The following KAZN variants were observed in gnomAD, a reference collection of about 807,000 sequenced individuals.
KAZN encodes the protein kazrin.
In KAZN, 40 loss-of-function variants were observed where a neutral mutation model predicts 87.4. That is an observed-to-expected ratio of 0.46 (90% CI 0.36 to 0.60). The LOEUF (loss-of-function observed/expected upper bound fraction) is 0.60. Among genes scored for constraint, KAZN ranks in the 20% least tolerant of loss-of-function variants. The pLI is 0.00. For missense variants in KAZN, 898 were observed against 1,073.9 expected (o/e 0.84, Z 2.29); for synonymous variants, 466 against 458.3 (o/e 1.02, Z -0.22).
intron 1 of KAZN, among the ~76,000 whole-genome samples, chr1:14,660,698 C>T (rs550999667): frequency 6.6e-6 from 1 of 152,128 alleles, no homozygotes; most frequent in South Asian, 2.1e-4. Flanking sequence ...TAACTGCAAA[C>T]GACTCAGATC....
chr1:15,004,109 A>G (rs779893120), intron 2 of KAZN, among the ~76,000 whole-genome samples: 10 of 152,330 alleles, frequency 6.6e-5, no homozygotes, highest in Admixed American at 2.6e-4. Context: ...AGCCTCGTGC[A>G]CTATCAGGGT....
Position 15,051,827 on chromosome 1 carries a change from T to C in KAZN, c.727-4264T>C, listed in dbSNP as rs148962592. 2.0e-5 allele frequency among the ~76,000 whole-genome samples: 3 copies of C among 152,358 alleles called. No individual in the cohort carries two copies. In the East Asian group the frequency reaches 5.8e-4, roughly 29 times the overall value. ...TCCCTCTTGTTTTCACCATCTTATATTGTGGGACCTTGAAGTTCAGAATGG... is the reference window on the plus strand; with the variant it reads ...TCCCTCTTGTTTTCACCATCTTATACTGTGGGACCTTGAAGTTCAGAATGG... On this transcript the variant is annotated intron_variant, in intron 4 of 14. Coordinates refer to ENST00000376030, the MANE Select transcript of KAZN (RefSeq NM_201628.3).
chr1:14,116,842 C>T (rs996038311), intron 1 of KAZN, among the ~76,000 whole-genome samples: 1 of 152,204 alleles, frequency 6.6e-6, no homozygotes, highest in Non-Finnish European at 1.5e-5. Flanking sequence ...AAGAACCTAC[C>T]TCTTTCATCA....
intron 2 of KAZN, among the ~76,000 whole-genome samples, chr1:14,572,901 C>T (rs1674957358): frequency 1.3e-5 from 2 of 152,126 alleles, no homozygotes; most frequent in Non-Finnish European, 2.9e-5. Flanking sequence ...TTACTATATA[C>T]CTAGCACTCT....
chr1:14,814,932 G>T (rs1042303340), intron 1 of KAZN, among the ~76,000 whole-genome samples: 3 of 152,244 alleles, frequency 2.0e-5, no homozygotes, highest in Non-Finnish European at 4.4e-5. Context: ...CAGGGGTCAT[G>T]TTGAGAATTA....
At chr1:14,475,533 C>G (rs1668671069) in intron 2 of KAZN, among the ~76,000 whole-genome samples, 1 of 152,194 alleles carries the variant, frequency 6.6e-6, no homozygotes, top group African/African-American at 2.4e-5. Context: ...ACTGCTCAGA[C>G]TCAGAGACTT....
At chr1:14,245,157 G>T (rs1649378216) in intron 2 of KAZN, among the ~76,000 whole-genome samples, 1 of 151,910 alleles carries the variant, frequency 6.6e-6, no homozygotes, top group Non-Finnish European at 1.5e-5. Flanking sequence ...TAGAGTTGGG[G>T]TTTCACCGTG....
At chr1:14,386,298 A>C (rs1257830868) in intron 2 of KAZN, among the ~76,000 whole-genome samples, 1 of 146,588 alleles carries the variant, frequency 6.8e-6, no homozygotes, top group Non-Finnish European at 1.5e-5. Context: ...TAATTGGAGC[A>C]TTTAGTCCAT....
intron 13 of KAZN, among the ~76,000 whole-genome samples, chr1:15,106,585 G>T (rs965951353): frequency 6.6e-6 from 1 of 152,122 alleles, no homozygotes; most frequent in African/African-American, 2.4e-5. Flanking sequence ...TTATGTTGTG[G>T]TGGGGCAGGG....
chr1:14,567,086 T>C (rs566122308), intron 2 of KAZN, among the ~76,000 whole-genome samples: 1 of 152,354 alleles, frequency 6.6e-6, no homozygotes, highest in African/African-American at 2.4e-5. Context: ...TTTCAATGTG[T>C]CTTCCTCACT....
At chr1:14,173,967 C>T (rs1449576556) in intron 1 of KAZN, among the ~76,000 whole-genome samples, 1 of 152,184 alleles carries the variant, frequency 6.6e-6, no homozygotes, top group East Asian at 1.9e-4. Flanking sequence ...ATGTCCATTA[C>T]ACAACCTAAC....
At chr1:14,746,974 A>G (rs1644277877) in intron 1 of KAZN, among the ~76,000 whole-genome samples, 1 of 152,200 alleles carries the variant, frequency 6.6e-6, no homozygotes, top group African/African-American at 2.4e-5. Context: ...AACTGTATCC[A>G]TTAAACAGTA....
intron 1 of KAZN, among the ~76,000 whole-genome samples, chr1:14,687,927 G>A (rs10927501): frequency 0.026 from 3,916 of 152,276 alleles, 160 homozygotes; most frequent in African/African-American, 0.08. Context: ...CCAGCAACTT[G>A]TGCTGTGGCT....
At chr1:14,324,891 A>G (rs1344891267) in intron 2 of KAZN, among the ~76,000 whole-genome samples, 2 of 152,216 alleles carry the variant, frequency 1.3e-5, no homozygotes, top group Non-Finnish European at 2.9e-5. Flanking sequence ...AAATTAATGT[A>G]CAATTTCCAT....
At chr1:13,987,303 A>C (rs1639066636) in intron 1 of KAZN, among the ~76,000 whole-genome samples, 1 of 151,980 alleles carries the variant, frequency 6.6e-6, no homozygotes, top group Non-Finnish European at 1.5e-5. Context: ...TATTTGTCCT[A>C]ATGCTCTCCC....
rs576837204 is a variant in KAZN at position 14,248,470 on chromosome 1, T to C, written c.249+67878T>C. 9.8e-5 allele frequency among the ~76,000 whole-genome samples: 15 copies of C among 152,318 alleles called. No homozygotes were observed. The South Asian group carries it at 2.9e-3, about 29-fold the overall frequency. On this transcript the variant is annotated intron_variant, in intron 2 of 16. Coordinates refer to the KAZN transcript ENST00000636203. ...AAAGAAGAATCGGACAGCTCCAATATGGTGAGACTAGCAGAGGGTGTGGAT... is the reference window on the plus strand; with the variant it reads ...AAAGAAGAATCGGACAGCTCCAATACGGTGAGACTAGCAGAGGGTGTGGAT...
At chr1:14,718,153 G>C (rs964400024) in intron 1 of KAZN, among the ~76,000 whole-genome samples, 13 of 152,354 alleles carry the variant, frequency 8.5e-5, no homozygotes, top group Admixed American at 1.3e-4. Context: ...TTTTCGATGT[G>C]CTTCATGCTC....
At chr1:15,051,421 T>C (rs990812988) in intron 4 of KAZN, among the ~76,000 whole-genome samples, 1 of 152,222 alleles carries the variant, frequency 6.6e-6, no homozygotes, top group African/African-American at 2.4e-5. Context: ...AGGGAGCGCA[T>C]AAGTAATCCT....
At chr1:14,324,639 C>A (rs1319945560) in intron 2 of KAZN, among the ~76,000 whole-genome samples, 1 of 151,848 alleles carries the variant, frequency 6.6e-6, no homozygotes, top group African/African-American at 2.4e-5. Flanking sequence ...TTATGGAGTG[C>A]CATTCTACCA....
Sources: allele counts gnomAD v4.1 joint callset (sites outside exome capture counted in the v4.1 genomes callset), GRCh38; gene constraint gnomAD v4.1.1; transcripts MANE v1.5; gene names NCBI Gene and HGNC (gene_info 2026-07-23, HGNC 2026-07-21).